CNTN1: variants seen among roughly 807,000 people sequenced by gnomAD.
The protein encoded by CNTN1 is contactin-1.
In CNTN1, 38 loss-of-function variants were observed where a neutral mutation model predicts 126.4. The observed-to-expected ratio is 0.30, with a 90% CI of 0.23 to 0.39. The LOEUF (loss-of-function observed/expected upper bound fraction) is 0.39. CNTN1 is among the 10% of genes least tolerant of loss of function. The probability of loss-of-function intolerance (pLI) is 1.00; values close to 1 mark genes in which losing one functional copy is unlikely to be tolerated. For missense variants in CNTN1, 1,009 were observed against 1,248.4 expected (o/e 0.81, Z 2.89); for synonymous variants, 413 against 422.6 (o/e 0.98, Z 0.28).
intron 1 of CNTN1, among the ~76,000 whole-genome samples, chr12:40,790,716 C>T (rs148881573): frequency 0.014 from 2,195 of 152,204 alleles, 30 homozygotes; most frequent in Middle Eastern, 0.034. Flanking sequence ...CATCTCCTGT[C>T]CCACCGCCAA....
intron 14 of CNTN1, among the ~76,000 whole-genome samples, chr12:40,955,157 C>G (rs1197146858): frequency 6.6e-6 from 1 of 151,944 alleles, no homozygotes; most frequent in East Asian, 1.9e-4. Context: ...CCAGCCCCAG[C>G]TTGAAGACTA....
rs74626464 is a variant in CNTN1 at position 40,750,853 on chromosome 12, G to T, written c.-77+58261G>T. On this transcript the variant is annotated intron_variant, in intron 1 of 23. Transcript: ENST00000551295. ...ATCTAATCCTTTTGCTCAGTCAGGAGATGAAGTCTAGAGATAGATTTGGGT... is the reference window on the plus strand; with the variant it reads ...ATCTAATCCTTTTGCTCAGTCAGGATATGAAGTCTAGAGATAGATTTGGGT... 9.3e-3 allele frequency among the ~76,000 whole-genome samples: 1,416 copies of T among 152,126 alleles called. 25 individuals carry two copies. Among genetic ancestry groups the T allele is most frequent in the African/African-American group, 0.032 (1,334 of 41,526 alleles).
At chr12:40,730,849 T>A (rs1775015625) in intron 1 of CNTN1, among the ~76,000 whole-genome samples, 1 of 152,044 alleles carries the variant, frequency 6.6e-6, no homozygotes, top group African/African-American at 2.4e-5. Context: ...TTTGGGGGAG[T>A]ATGTGTGTGA....
chr12:40,980,131 A>G (rs1947780716), intron 15 of CNTN1, among the ~76,000 whole-genome samples: 1 of 152,182 alleles, frequency 6.6e-6, no homozygotes, highest in East Asian at 1.9e-4. Flanking sequence ...TATAACATTT[A>G]GAGTTATAAG....
Position 40,959,072 on chromosome 12 carries a change from G to GA in CNTN1, c.1684-37dup. The GA allele has an allele frequency of 1.9e-6, 3 of 1,610,404 alleles. No homozygotes were observed. The South Asian group carries it at 3.3e-5, about 18-fold the overall frequency. On this transcript the variant is annotated intron_variant, in intron 14 of 23. Coordinates refer to ENST00000551295, the MANE Select transcript of CNTN1 (RefSeq NM_001843.4). ...GGATCTTAAATGCCACATAATTGGTGAAAAATGTACTGATTTGAATAATTG... is the reference window on the plus strand; with the variant it reads ...GGATCTTAAATGCCACATAATTGGTGAAAAAATGTACTGATTTGAATAATTG...
intron 1 of CNTN1, among the ~76,000 whole-genome samples, chr12:40,721,304 A>G (rs1942203946): frequency 6.6e-6 from 1 of 152,090 alleles, no homozygotes; most frequent in African/African-American, 2.4e-5. Flanking sequence ...AAGTAGCTAC[A>G]TGGATGATGA....
At chr12:40,816,936 C>T (rs571931818) in intron 1 of CNTN1, among the ~76,000 whole-genome samples, 3 of 152,208 alleles carry the variant, frequency 2.0e-5, no homozygotes, top group East Asian at 3.9e-4. Flanking sequence ...GGTTGTTCAA[C>T]TCCCATGAAA....
intron 1 of CNTN1, among the ~76,000 whole-genome samples, chr12:40,769,911 C>T (rs1056321649): frequency 6.6e-6 from 1 of 151,988 alleles, no homozygotes; most frequent in African/African-American, 2.4e-5. Context: ...TCTAACAGAA[C>T]ATTATTAAAA....
At chr12:40,876,533 C>T (rs1392917886) in intron 1 of CNTN1, among the ~76,000 whole-genome samples, 3 of 151,922 alleles carry the variant, frequency 2.0e-5, no homozygotes, top group African/African-American at 4.8e-5. Flanking sequence ...AATATGACCA[C>T]CTTTATTCTC....
chr12:40,986,553 T>C (rs1336988018), intron 16 of CNTN1, among the ~76,000 whole-genome samples: 1 of 152,162 alleles, frequency 6.6e-6, no homozygotes, highest in African/African-American at 2.4e-5. Flanking sequence ...CACAGAGGGC[T>C]CTTTCAGTTC....
At chr12:40,952,988 T>G (rs1946744548) in intron 14 of CNTN1, among the ~76,000 whole-genome samples, 1 of 152,198 alleles carries the variant, frequency 6.6e-6, no homozygotes. Flanking sequence ...TTATGAGCTC[T>G]AAGTTTTATC....
rs1949730499 is a variant in CNTN1 at position 41,053,428 on chromosome 12, A to ATATATAT, written c.2981-16531_2981-16530insTATATAT. ...TTTTGTCTCTTTCATGTTTTCACTA[A>ATATATAT]ATATATATATATATATATATATATA... On this transcript the variant is annotated intron_variant, in intron 23 of 23. Transcript: ENST00000551295. 2.8e-4 allele frequency among the ~76,000 whole-genome samples: 18 copies of ATATATAT among 64,108 alleles called. 1 individual carries two copies. The highest frequency in any genetic ancestry group is 1.2e-3 in the African/African-American group (16 of 13,268). The allele number at this position is 64,108 out of a possible 152,430, so 42.1% of individuals were successfully genotyped here.
chr12:40,702,907 A>G (rs1268340279), intron 1 of CNTN1, among the ~76,000 whole-genome samples: 5 of 152,170 alleles, frequency 3.3e-5, no homozygotes, highest in Admixed American at 2.6e-4. Flanking sequence ...AATGTTTCCA[A>G]TGTTTTTTAA....
chr12:40,725,401 CAA>C (rs34242859), intron 1 of CNTN1, among the ~76,000 whole-genome samples: 35 of 45,316 alleles, frequency 7.7e-4, no homozygotes, highest in Non-Finnish European at 1.0e-3. Flanking sequence ...AACTCTGTCT[CAA>C]AAAAAAAAAA....
chr12:40,859,427 G>A (rs1592168514), intron 1 of CNTN1, among the ~76,000 whole-genome samples: 1 of 151,824 alleles, frequency 6.6e-6, no homozygotes, highest in South Asian at 2.1e-4. Flanking sequence ...AGATGAAGGG[G>A]GTATATGGGA....
At chr12:40,799,755 G>A (rs1940574414) in intron 1 of CNTN1, among the ~76,000 whole-genome samples, 1 of 151,920 alleles carries the variant, frequency 6.6e-6, no homozygotes, top group Non-Finnish European at 1.5e-5. Flanking sequence ...ACAACTAGGA[G>A]CACTTACTAT....
At position 41,054,320 on chromosome 12, in the gene CNTN1, C is replaced by T. The variant is rs539758818; in HGVS notation, c.2981-15639C>T. On this transcript the variant is annotated intron_variant, in intron 23 of 23. Coordinates refer to ENST00000551295, the MANE Select transcript of CNTN1 (RefSeq NM_001843.4). ...ATAGTATTATACATATTTCCTAGAACATATTTGACTATAAACATTTTTCTA... is the reference window on the plus strand; with the variant it reads ...ATAGTATTATACATATTTCCTAGAATATATTTGACTATAAACATTTTTCTA... Among the ~76,000 whole-genome samples, 3 of 151,936 alleles carry T rather than the reference C, an allele frequency of 2.0e-5. No individual in the cohort carries two copies. In the East Asian group the frequency reaches 5.8e-4, roughly 29 times the overall value.
chr12:41,031,245 T>C (rs1238764492), intron 23 of CNTN1, among the ~76,000 whole-genome samples: 1 of 152,238 alleles, frequency 6.6e-6, no homozygotes, highest in Non-Finnish European at 1.5e-5. Flanking sequence ...AAGCCCTGTT[T>C]ATAATGTTTG....
intron 1 of CNTN1, among the ~76,000 whole-genome samples, chr12:40,856,163 G>A (rs1177301997): frequency 6.6e-6 from 1 of 151,880 alleles, no homozygotes; most frequent in Non-Finnish European, 1.5e-5. Context: ...TGTATCTTAA[G>A]TTAATTATCT....
Sources: gnomAD v4.1 joint callset for allele counts (sites outside exome capture counted in the v4.1 genomes callset) on GRCh38, gnomAD v4.1.1 for gene constraint, MANE v1.5 for transcripts, NCBI Gene and HGNC (gene_info 2026-07-23, HGNC 2026-07-21) for gene names.